SMURF1: variants seen among roughly 807,000 people sequenced by gnomAD.
SMURF1 encodes SMAD specific E3 ubiquitin protein ligase 1.
Under a neutral mutation model 98.0 loss-of-function variants are expected in SMURF1, and 44 were observed. The ratio of observed to expected loss-of-function variants is 0.45; its 90% CI spans 0.35 to 0.58. The LOEUF (loss-of-function observed/expected upper bound fraction) is 0.58. SMURF1 is among the 20% of genes least tolerant of loss of function. The pLI, the probability that SMURF1 is intolerant of heterozygous loss-of-function variation, is 0.00. For synonymous variants in SMURF1, 396 were observed against 374.9 expected, an observed-to-expected ratio of 1.06 and a Z score of -0.65; for missense variants, 687 against 938.4, an observed-to-expected ratio of 0.73 and a Z score of 3.50.
intron 1 of SMURF1, among the ~76,000 whole-genome samples, chr7:99,120,237 G>A (rs1382311059): frequency 6.6e-6 from 1 of 152,180 alleles, no homozygotes; most frequent in Non-Finnish European, 1.5e-5. Context: ...TGTACAGCCT[G>A]CAGGACCGTG....
At chr7:99,039,567 T>G (rs1795295087) in intron 13 of SMURF1, among the ~76,000 whole-genome samples, 1 of 152,162 alleles carries the variant, frequency 6.6e-6, no homozygotes, top group African/African-American at 2.4e-5. Flanking sequence ...CAGGTTGGTC[T>G]CAAACTCCAA....
At position 99,047,529 on chromosome 7, in the gene SMURF1, C is replaced by T. The variant is rs183080213; in HGVS notation, c.1152+155G>A. The T allele has an allele frequency of 2.0e-5, 15 of 736,416 alleles. No homozygotes were observed. In the Admixed American group the frequency reaches 2.3e-4, roughly 11 times the overall value. The allele number at this position is 736,416 out of a possible 1,614,324, so 45.6% of individuals were successfully genotyped here. A position where few individuals can be genotyped will look rare whatever the true frequency, so the allele number is the denominator to read the frequency against. On this transcript the variant is annotated intron_variant, in intron 10 of 17. Transcript: ENST00000361368. ...AGTAATAAAATCAATACCTCAAATACCAAACAGAAAGAAGGGTTCCCTGAA... is the reference window on the plus strand; with the variant it reads ...AGTAATAAAATCAATACCTCAAATATCAAACAGAAAGAAGGGTTCCCTGAA...
chr7:99,130,730 C>T (rs548936564), intron 1 of SMURF1, among the ~76,000 whole-genome samples: 6 of 152,244 alleles, frequency 3.9e-5, no homozygotes, highest in African/African-American at 4.8e-5. Context: ...AGAAAACAAT[C>T]GGTATCATCT....
Position 99,143,773 on chromosome 7 carries a change from T to C in SMURF1, c.8A>G (p.Asn3Ser). The C allele has an allele frequency of 6.4e-7, 1 of 1,559,126 alleles. No individual in the cohort carries two copies. Among genetic ancestry groups the C allele is most frequent in the Non-Finnish European group, 8.7e-7 (1 of 1,155,452 alleles). MSNPGTRRNGSSI... is the reference protein window; with the variant it reads MSSPGTRRNGSSI... ...GGAGCCGTTCCTGCGTGTCCCGGGG[T>C]TCGACATCTCCCGCCAACGATCGGG... Residue 3 changes from asparagine to serine, a missense_variant, in exon 1 of 18, where the codon AAC becomes AGC. Around this residue, in one of 2 missense-constraint regions of SMURF1, gnomAD observed 415 missense variants for 508.4 expected, o/e 0.82. Transcript: ENST00000361368.
rs911608824 is a variant in SMURF1 at position 99,143,962 on chromosome 7, G to C, written c.-182C>G. On this transcript the variant is annotated 5_prime_UTR_variant, in exon 1 of 18. Coordinates refer to ENST00000361368, the MANE Select transcript of SMURF1 (RefSeq NM_181349.3). ...AGGCGGATGGTCGAGCCGGGAGATC[G>C]GCGCTTGCTGCGGCGCTCTGACCCT... The C allele has an allele frequency of 9.7e-5, 43 of 444,914 alleles. No homozygotes were observed. Among genetic ancestry groups the C allele is most frequent in the Non-Finnish European group, 1.3e-4 (33 of 263,050 alleles). 27.6% of individuals were successfully genotyped at this position (444,914 alleles called of 1,614,324 possible).
chr7:99,108,611 C>CAAAAAAAAAAAAAAAAAAAAAA (rs11458541), intron 1 of SMURF1, among the ~76,000 whole-genome samples: 6 of 58,544 alleles, frequency 1.0e-4, no homozygotes, highest in East Asian at 7.2e-4. Context: ...AACTCTGTCT[C>CAAAAAAAAAAAAAAAAAAAAAA]AAAAAAAAAA....
intron 1 of SMURF1, among the ~76,000 whole-genome samples, chr7:99,112,099 C>T (rs528359666): frequency 6.6e-6 from 1 of 152,282 alleles, no homozygotes; most frequent in South Asian, 2.1e-4. Context: ...ATATGGGCTT[C>T]ATTTGAAGAG....
chr7:99,075,012 C>T (rs949506130), intron 1 of SMURF1, among the ~76,000 whole-genome samples: 1 of 152,158 alleles, frequency 6.6e-6, no homozygotes, highest in Non-Finnish European at 1.5e-5. Context: ...CCACCACATA[C>T]CTACTAGAAT....
intron 1 of SMURF1, among the ~76,000 whole-genome samples, chr7:99,104,609 T>C (rs892500550): frequency 5.9e-5 from 9 of 152,252 alleles, no homozygotes; most frequent in Non-Finnish European, 1.2e-4. Context: ...TGTCACTTAA[T>C]AGAATGTGTG....
At chr7:99,040,693 G>A (rs1013154202) in intron 12 of SMURF1, 137 bp from the exon 13 acceptor site, 74 of 736,958 alleles carry the variant, frequency 1.0e-4, no homozygotes, top group African/African-American at 6.4e-4. Context: ...CACAGGCCCC[G>A]CTCCTGAACA....
intron 17 of SMURF1, chr7:99,031,323 A>G (rs939039217): frequency 6.6e-6 from 1 of 152,242 alleles, no homozygotes; most frequent in Non-Finnish European, 1.5e-5. Context: ...TGAATATTCA[A>G]CTTCTGACTC....
At chr7:99,091,573 CA>C (rs1203260067) in intron 1 of SMURF1, among the ~76,000 whole-genome samples, 1 of 152,150 alleles carries the variant, frequency 6.6e-6, no homozygotes, top group African/African-American at 2.4e-5. Flanking sequence ...TATCTGAAAC[CA>C]AGGAGCCTCT....
chr7:99,101,928 C>T (rs1797091347), intron 1 of SMURF1, among the ~76,000 whole-genome samples: 2 of 143,458 alleles, frequency 1.4e-5, no homozygotes, highest in African/African-American at 5.5e-5. Flanking sequence ...AGCACGACCA[C>T]GTCTCAAAAA....
At chr7:99,037,989 C>A (rs564429244) in intron 14 of SMURF1, among the ~76,000 whole-genome samples, 30 of 152,248 alleles carry the variant, frequency 2.0e-4, no homozygotes, top group Admixed American at 1.8e-3. Context: ...GTGCCTAGGC[C>A]GCAAGTGCCT....
chr7:99,128,442 A>C (rs1797792427), intron 1 of SMURF1, among the ~76,000 whole-genome samples: 1 of 152,234 alleles, frequency 6.6e-6, no homozygotes, highest in African/African-American at 2.4e-5. Flanking sequence ...CCCATTCATA[A>C]CATTCTAAAT....
intron 9 of SMURF1, 82 bp from the exon 10 acceptor site, chr7:99,047,964 A>T: frequency 7.8e-7 from 1 of 1,280,982 alleles, no homozygotes; most frequent in South Asian, 1.2e-5. Context: ...ACAGGGTCAG[A>T]GGAGAGAGCT....
chr7:99,141,673 AC>A lies in SMURF1; in HGVS notation c.55+2052del, dbSNP rs145422048. Reference sequence around the variant, plus strand: ...TTATTTGATATCTTTATACAAAAAAACAAAACCTTCTCTTAAGACAAAAGTT... The same window carrying A: ...TTATTTGATATCTTTATACAAAAAAAAAAACCTTCTCTTAAGACAAAAGTT... On this transcript the variant is annotated intron_variant, in intron 1 of 17. Coordinates refer to ENST00000361368, the MANE Select transcript of SMURF1 (RefSeq NM_181349.3). Among the ~76,000 whole-genome samples, 888 of 152,328 alleles carry A rather than the reference AC, an allele frequency of 5.8e-3. 11 individuals are homozygous for A. Among genetic ancestry groups the A allele is most frequent in the African/African-American group, 0.021 (860 of 41,560 alleles).
chr7:99,035,792 C>T, intron 15 of SMURF1, 76 bp from the exon 16 acceptor site: 1 of 1,417,596 alleles, frequency 7.1e-7, no homozygotes, highest in Non-Finnish European at 9.7e-7. Flanking sequence ...AGGTACCCGA[C>T]ACACAACAGT....
chr7:99,082,015 T>C (rs1165460866), intron 1 of SMURF1, among the ~76,000 whole-genome samples: 1 of 152,232 alleles, frequency 6.6e-6, no homozygotes, highest in Non-Finnish European at 1.5e-5. Context: ...ACGGTTTTGA[T>C]TGGCATGTCT....
Sources: gnomAD v4.1 joint callset for allele counts (sites outside exome capture counted in the v4.1 genomes callset) on GRCh38, gnomAD v4.1.1 for gene constraint, gnomAD v4.1.1 regional missense constraint, MANE v1.5 for transcripts, NCBI Gene and HGNC (gene_info 2026-07-23, HGNC 2026-07-21) for gene names.